EYS: variants seen among roughly 807,000 people sequenced by gnomAD.
EYS encodes protein eyes shut homolog.
Under a neutral mutation model 282.1 loss-of-function variants are expected in EYS, and 250 were observed. That is an observed-to-expected ratio of 0.89 (90% CI 0.80 to 0.98). EYS has a LOEUF of 0.98. EYS is among the 50% of genes least tolerant of loss of function. The pLI, the probability that EYS is intolerant of heterozygous loss-of-function variation, is 0.00. For missense variants in EYS, 4,016 were observed against 3,709.0 expected, an observed-to-expected ratio of 1.08 and a Z score of -2.15; for synonymous variants, 1,355 against 1,282.9, an observed-to-expected ratio of 1.06 and a Z score of -1.20.
chr6:65,333,269 C>T (rs993020100), intron 11 of EYS, among the ~76,000 whole-genome samples: 55 of 151,512 alleles, frequency 3.6e-4, no homozygotes, highest in Admixed American at 4.0e-4. Flanking sequence ...TTTCTAATTT[C>T]TCTTGCAATT....
intron 24 of EYS, among the ~76,000 whole-genome samples, chr6:64,611,803 T>C (rs1022440781): frequency 6.6e-6 from 1 of 152,156 alleles, no homozygotes; most frequent in African/African-American, 2.4e-5. Context: ...AAAAGATGTG[T>C]TTTGACTGAT....
At chr6:65,350,178 C>T (rs1770546119) in intron 9 of EYS, among the ~76,000 whole-genome samples, 1 of 150,742 alleles carries the variant, frequency 6.6e-6, no homozygotes, top group Non-Finnish European at 1.5e-5. Flanking sequence ...AACTAAAGTC[C>T]CTAAAATACT....
At chr6:63,725,339 C>A (rs1582144696) in intron 42 of EYS, among the ~76,000 whole-genome samples, 1 of 151,648 alleles carries the variant, frequency 6.6e-6, no homozygotes, top group East Asian at 1.9e-4. Context: ...AAATATGTAT[C>A]GTTGTACTGA....
chr6:64,537,754 A>G (rs1445247461), intron 26 of EYS, among the ~76,000 whole-genome samples: 1 of 151,818 alleles, frequency 6.6e-6, no homozygotes, highest in Non-Finnish European at 1.5e-5. Flanking sequence ...CTTGTTCTTA[A>G]CCCTCTTAAA....
At chr6:65,614,653 C>G (rs1029499584) in intron 2 of EYS, among the ~76,000 whole-genome samples, 1 of 151,986 alleles carries the variant, frequency 6.6e-6, no homozygotes, top group South Asian at 2.1e-4. Flanking sequence ...ATCTACTTGG[C>G]AAGAAAAACA....
chr6:65,329,858 T>C, intron 11 of EYS: 1 of 981,814 alleles, frequency 1.0e-6, no homozygotes, highest in African/African-American at 1.7e-5. Context: ...ACAGAAATAG[T>C]TTTTGAAACT....
At chr6:64,923,746 G>A (rs574334892) in intron 15 of EYS, among the ~76,000 whole-genome samples, 21 of 152,268 alleles carry the variant, frequency 1.4e-4, no homozygotes, top group South Asian at 1.0e-3. Context: ...AATCCAGCGA[G>A]GCAATCAAAT....
chr6:64,224,339 C>T (rs1174149520), intron 31 of EYS, among the ~76,000 whole-genome samples: 1 of 152,016 alleles, frequency 6.6e-6, no homozygotes, highest in South Asian at 2.1e-4. Context: ...TTTCTATATT[C>T]TACTCTCAGA....
chr6:64,227,963 A>G (rs953639851), intron 31 of EYS, among the ~76,000 whole-genome samples: 1 of 152,124 alleles, frequency 6.6e-6, no homozygotes, highest in African/African-American at 2.4e-5. Context: ...CAATTTGAAA[A>G]TGGCATATAA....
intron 24 of EYS, among the ~76,000 whole-genome samples, chr6:64,595,797 A>G (rs1766567335): frequency 6.6e-6 from 1 of 152,226 alleles, no homozygotes; most frequent in Non-Finnish European, 1.5e-5. Flanking sequence ...ACAGAAATGA[A>G]GGGAAAGACA....
At chr6:64,228,416 C>A (rs1766315450) in intron 31 of EYS, among the ~76,000 whole-genome samples, 1 of 151,996 alleles carries the variant, frequency 6.6e-6, no homozygotes, top group African/African-American at 2.4e-5. Context: ...AGTCCTATTA[C>A]ATTAATTTTG....
intron 22 of EYS, 25 bp downstream of exon 22, chr6:64,813,353 T>C: frequency 1.3e-6 from 2 of 1,512,848 alleles, no homozygotes; most frequent in Non-Finnish European, 1.8e-6. Flanking sequence ...TATATTTACT[T>C]ACTTGTGGGT....
chr6:64,891,403 G>T (rs1426897487), intron 18 of EYS, among the ~76,000 whole-genome samples: 3 of 151,820 alleles, frequency 2.0e-5, no homozygotes, highest in Non-Finnish European at 4.4e-5. Flanking sequence ...GCCCTGCCCT[G>T]CTCTCTTCCC....
At chr6:64,615,550 C>T (rs934567302) in intron 24 of EYS, among the ~76,000 whole-genome samples, 19 of 151,946 alleles carry the variant, frequency 1.3e-4, no homozygotes, top group African/African-American at 4.1e-4. Context: ...AAGTATATTT[C>T]TTAGGAATAT....
At position 65,347,300 on chromosome 6, in the gene EYS, C is replaced by T. The variant is rs1191637302; in HGVS notation, c.1460-3123G>A. On this transcript the variant is annotated intron_variant, in intron 9 of 42. Coordinates refer to ENST00000503581, the MANE Select transcript of EYS (RefSeq NM_001142800.2). ...TATTTAGGGATACTCTCTGTGTCTT[C>T]GTATGTAAACTGGGTGTTTATATTA... Among the ~76,000 whole-genome samples, 3 of 151,688 alleles carry T rather than the reference C, an allele frequency of 2.0e-5. No individual in the cohort carries two copies. In the Admixed American group the frequency reaches 2.0e-4, roughly 10 times the overall value.
At chr6:65,179,268 A>G (rs1294282633) in intron 12 of EYS, among the ~76,000 whole-genome samples, 2 of 152,110 alleles carry the variant, frequency 1.3e-5, no homozygotes, top group Non-Finnish European at 2.9e-5. Flanking sequence ...AAATCAATGA[A>G]TCCAGGAGCT....
intron 15 of EYS, among the ~76,000 whole-genome samples, chr6:64,942,728 C>A (rs1769130089): frequency 6.8e-6 from 1 of 147,840 alleles, no homozygotes; most frequent in Admixed American, 6.8e-5. Flanking sequence ...TTTAAAAAAA[C>A]AACCTACCAA....
chr6:64,720,682 T>C (rs1771548225), intron 22 of EYS, among the ~76,000 whole-genome samples: 1 of 152,146 alleles, frequency 6.6e-6, no homozygotes, highest in Non-Finnish European at 1.5e-5. Context: ...GTGAAGACTA[T>C]ACTAGTGAGG....
chr6:64,205,856 T>G (rs150134254), intron 31 of EYS, among the ~76,000 whole-genome samples: 5,209 of 149,152 alleles, frequency 0.035, 104 homozygotes, highest in African/African-American at 0.055. Flanking sequence ...TATATATATA[T>G]AGAGAGAGAG....
Sources: allele counts gnomAD v4.1 joint callset (sites outside exome capture counted in the v4.1 genomes callset), GRCh38; gene constraint gnomAD v4.1.1; transcripts MANE v1.5; gene names NCBI Gene and HGNC (gene_info 2026-07-23, HGNC 2026-07-21).